Variants in MMS22L observed in about 807,000 individuals in gnomAD.
MMS22L encodes the protein MMS22 like, DNA repair protein, also known as protein MMS22-like.
A neutral mutation model predicts 159.1 loss-of-function variants in MMS22L; 74 were observed. The ratio of observed to expected loss-of-function variants is 0.47; its 90% CI spans 0.39 to 0.56. MMS22L has a LOEUF of 0.56. Ranked by LOEUF, MMS22L falls within the 20% of genes least tolerant of loss-of-function variation. MMS22L has a pLI of 0.00. For missense variants in MMS22L, 1,351 were observed against 1,422.1 expected (o/e 0.95, Z 0.80); for synonymous variants, 517 against 506.9 (o/e 1.02, Z -0.27).
intron 9 of MMS22L, among the ~76,000 whole-genome samples, chr6:97,257,333 C>G (rs566501864): frequency 3.3e-5 from 5 of 152,200 alleles, no homozygotes; most frequent in Admixed American, 3.3e-4. Flanking sequence ...ATTTAGCTAT[C>G]CCATCATTTA....
chr6:97,211,839 A>C (rs1201811174), intron 14 of MMS22L, among the ~76,000 whole-genome samples: 1 of 152,168 alleles, frequency 6.6e-6, no homozygotes, highest in Non-Finnish European at 1.5e-5. Context: ...TTATTAATGG[A>C]ATGTGTGAAA....
intron 19 of MMS22L, among the ~76,000 whole-genome samples, chr6:97,170,181 C>T (rs1803383289): frequency 6.6e-6 from 1 of 152,120 alleles, no homozygotes; most frequent in African/African-American, 2.4e-5. Flanking sequence ...TTCAGGCATC[C>T]ACTAGTGGTG....
At position 97,145,351 on chromosome 6, in the gene MMS22L, A is replaced by G. The variant is rs1034972316; in HGVS notation, c.*1455T>C. ...ATTAAGAGAACGCTATTAACTACAG[A>G]ATACTGATTGCAAAGTATTTCATTT... On this transcript the variant is annotated 3_prime_UTR_variant, in exon 25 of 25. Coordinates refer to ENST00000683635, the MANE Select transcript of MMS22L (RefSeq NM_001350599.2). The G allele has an allele frequency of 1.3e-5, 2 of 152,206 alleles. No individual in the cohort carries two copies. The highest frequency in any genetic ancestry group is 4.8e-5 in the African/African-American group (2 of 41,454). The allele number at this position is 152,206 out of a possible 1,614,324, so 9.4% of individuals were successfully genotyped here.
At position 97,263,411 on chromosome 6, in the gene MMS22L, G is replaced by A. The variant is rs1247343439; in HGVS notation, c.866C>T (p.Pro289Leu). 2 of 1,588,876 alleles carry A rather than the reference G, an allele frequency of 1.3e-6. No individual in the cohort carries two copies. The highest frequency in any genetic ancestry group is 1.7e-6 in the Non-Finnish European group (2 of 1,171,532). ...SSESLMSDQC[P>L]CLCIKELWVL... Reference sequence around the variant, plus strand: ...CCATAATTCTTTAATGCATAAACATGGACACTGGTCACTCATTAATGATTC... The same window carrying A: ...CCATAATTCTTTAATGCATAAACATAGACACTGGTCACTCATTAATGATTC... The change falls in exon 9 of 25, where the codon CCA becomes CTA. Residue 289 changes from proline (P) to leucine (L), a missense_variant. By Grantham distance (98) the Pro-to-Leu change is moderately conservative. Transcript: ENST00000683635.
At chr6:97,193,222 T>A (rs570112069) in intron 14 of MMS22L, among the ~76,000 whole-genome samples, 1 of 152,264 alleles carries the variant, frequency 6.6e-6, no homozygotes, top group African/African-American at 2.4e-5. Context: ...AATTTACAAT[T>A]TTCCTATGCT....
At chr6:97,244,723 T>C (rs535305942) in intron 11 of MMS22L, among the ~76,000 whole-genome samples, 2 of 152,276 alleles carry the variant, frequency 1.3e-5, no homozygotes, top group Admixed American at 6.5e-5. Context: ...TTGTAGGACC[T>C]TGTGATCATG....
chr6:97,181,346 A>T (rs997243495), intron 16 of MMS22L, among the ~76,000 whole-genome samples: 7 of 152,028 alleles, frequency 4.6e-5, no homozygotes, highest in Non-Finnish European at 2.9e-5. Flanking sequence ...AACTTTATTC[A>T]TTCTATTTTT....
intron 6 of MMS22L, chr6:97,271,436 T>C (rs977853899): frequency 6.6e-6 from 1 of 152,134 alleles, no homozygotes; most frequent in Non-Finnish European, 1.5e-5. Context: ...AACCAGAAAA[T>C]AAAAACCAGT....
At chr6:97,268,239 C>A (rs1422684258) in intron 7 of MMS22L, among the ~76,000 whole-genome samples, 2 of 149,258 alleles carry the variant, frequency 1.3e-5, no homozygotes, top group East Asian at 3.9e-4. Context: ...GGCTGGAGTG[C>A]AGTGACGCGA....
chr6:97,173,280 A>G lies in MMS22L; in HGVS notation c.2680-58T>C. ...CAAAGTTTATACCATAAAGATTTGG[A>G]ACATAAAGATAATTTTTCTCTCTTT... On this transcript the variant is annotated intron_variant, in intron 18 of 24. Transcript: ENST00000683635. 8.5e-6 allele frequency: 13 copies of G among 1,531,324 alleles called. No individual in the cohort carries two copies. In the South Asian group the frequency reaches 1.5e-4, roughly 18 times the overall value. 94.9% of individuals were successfully genotyped at this position (1,531,324 alleles called of 1,614,324 possible).
rs138306983 is a variant in MMS22L, at chr6:97,201,938, C to T, written c.2040-15248G>A. ...CTATGTGTTTAAGATAAATATCAGT[C>T]TTAGCTTATTCCCTCGAACAATACT... On this transcript the variant is annotated intron_variant, in intron 14 of 24. Transcript: ENST00000683635. Among the ~76,000 whole-genome samples, 78 of 152,274 alleles carry T rather than the reference C, an allele frequency of 5.1e-4. No homozygotes were observed. In the East Asian group the frequency reaches 0.014, roughly 27 times the overall value.
intron 13 of MMS22L, among the ~76,000 whole-genome samples, chr6:97,230,080 T>G (rs1053403808): frequency 6.6e-6 from 1 of 152,042 alleles, no homozygotes; most frequent in African/African-American, 2.4e-5. Context: ...ACTTACGAAT[T>G]AAGTTGTTGT....
intron 24 of MMS22L, among the ~76,000 whole-genome samples, 195 bp from the exon 25 acceptor site, chr6:97,147,082 T>C (rs543259170): frequency 6.6e-6 from 1 of 152,230 alleles, no homozygotes; most frequent in South Asian, 2.1e-4. Flanking sequence ...TAAGATGTAT[T>C]AAAGTATGAT....
chr6:97,179,825 T>C lies in MMS22L; in HGVS notation c.2385-266A>G, dbSNP rs190734269. On this transcript the variant is annotated intron_variant, in intron 16 of 24. Transcript: ENST00000683635. The stretch of plus-strand genomic sequence containing the variant: ...CACTGATGGCATATGTGTAGGTTTA[T>C]GTTAAGGAAGAAGACAAGAAAGAAT... 1.2e-3 allele frequency among the ~76,000 whole-genome samples: 185 copies of C among 152,322 alleles called. 2 individuals carry two copies. The highest frequency in any genetic ancestry group is 3.5e-3 in the South Asian group (17 of 4,824).
chr6:97,146,795 C>G lies in MMS22L; in HGVS notation c.*11G>C. Reference sequence around the variant, plus strand: ...CTGATAATTAATAGACAGGATGAATCACAAAATATATTAAGTATTATCATT... The same window carrying G: ...CTGATAATTAATAGACAGGATGAATGACAAAATATATTAAGTATTATCATT... On this transcript the variant is annotated 3_prime_UTR_variant, in exon 25 of 25. Transcript: ENST00000683635. The G allele has an allele frequency of 6.5e-7, 1 of 1,544,216 alleles. No homozygotes were observed. Among genetic ancestry groups the G allele is most frequent in the Non-Finnish European group, 8.8e-7 (1 of 1,139,430 alleles).
intron 14 of MMS22L, among the ~76,000 whole-genome samples, chr6:97,204,647 GGGGT>G (rs1347312814): frequency 1.3e-5 from 2 of 151,818 alleles, no homozygotes; most frequent in Admixed American, 6.6e-5. Context: ...GCGGGGGTAG[GGGGT>G]GGGCATGGTG....
intron 18 of MMS22L, among the ~76,000 whole-genome samples, chr6:97,174,260 T>TAAAAAAAAAAA (rs966525669): frequency 2.3e-5 from 3 of 128,558 alleles, no homozygotes; most frequent in Admixed American, 1.6e-4. Context: ...AAAAAAAAAA[T>TAAAAAAAAAAA]AAAAAAAAAA....
At chr6:97,195,378 CA>C (rs1299231538) in intron 14 of MMS22L, among the ~76,000 whole-genome samples, 1 of 151,888 alleles carries the variant, frequency 6.6e-6, no homozygotes, top group Non-Finnish European at 1.5e-5. Flanking sequence ...GGATAAAATC[CA>C]AGTGGATAAC....
chr6:97,156,093 AT>A (rs1264773131), intron 22 of MMS22L, among the ~76,000 whole-genome samples: 2 of 152,098 alleles, frequency 1.3e-5, no homozygotes, highest in East Asian at 3.9e-4. Flanking sequence ...GATGATGAGC[AT>A]TTTTTCGTAA....
Sources: gnomAD v4.1 joint callset for allele counts (sites outside exome capture counted in the v4.1 genomes callset) on GRCh38, gnomAD v4.1.1 for gene constraint, MANE v1.5 for transcripts, NCBI Gene and HGNC (gene_info 2026-07-23, HGNC 2026-07-21) for gene names.